The following CELF2 variants were observed in gnomAD, a reference collection of about 807,000 sequenced individuals.
CELF2 encodes the protein CUG triplet repeat RNA-binding protein 2.
Under a neutral mutation model 62.6 loss-of-function variants are expected in CELF2, and 8 were observed. The ratio of observed to expected loss-of-function variants is 0.13; its 90% CI spans 0.07 to 0.23. The LOEUF is 0.23. CELF2 is among the 10% of genes least tolerant of loss of function. The probability of loss-of-function intolerance (pLI) is 1.00; values close to 1 mark genes in which losing one functional copy is unlikely to be tolerated. For missense variants in CELF2, 333 were observed against 671.0 expected, an observed-to-expected ratio of 0.50 and a Z score of 5.56; for synonymous variants, 258 against 250.0, an observed-to-expected ratio of 1.03 and a Z score of -0.30.
intron 1 of CELF2, among the ~76,000 whole-genome samples, chr10:10,879,885 A>G (rs1259647626): frequency 1.3e-5 from 2 of 152,136 alleles, no homozygotes; most frequent in Non-Finnish European, 2.9e-5. Context: ...GTCTAGTCTG[A>G]CAGTAATGGC....
intron 2 of CELF2, among the ~76,000 whole-genome samples, chr10:11,187,094 C>G (rs2075145232): frequency 6.6e-6 from 1 of 152,156 alleles, no homozygotes; most frequent in African/African-American, 2.4e-5. Context: ...AGTATCTTTA[C>G]TGATTTTCTG....
chr10:10,468,501 G>A, the CELF2 span, among the ~76,000 whole-genome samples: 4 of 151,982 alleles, frequency 2.6e-5, no homozygotes, highest in Admixed American at 1.3e-4. Context: ...AAGCACTGCT[G>A]TTGATTGCTG....
intron 2 of CELF2, among the ~76,000 whole-genome samples, chr10:10,977,588 AAC>A (rs1398903422): frequency 2.6e-5 from 4 of 152,254 alleles, no homozygotes; most frequent in African/African-American, 9.6e-5. Context: ...GATATTCTGA[AAC>A]ACAGAAAGAG....
intron 1 of CELF2, among the ~76,000 whole-genome samples, chr10:11,121,398 GT>G: frequency 6.6e-6 from 1 of 152,150 alleles, no homozygotes; most frequent in Non-Finnish European, 1.5e-5. Flanking sequence ...AGCATTTTCT[GT>G]TTTGCAGTAC....
At chr10:10,959,515 T>C (rs910847102) in intron 2 of CELF2, among the ~76,000 whole-genome samples, 9 of 152,200 alleles carry the variant, frequency 5.9e-5, no homozygotes, top group Non-Finnish European at 1.3e-4. Context: ...ATTTTTTCCA[T>C]GCATTTTCCA....
intron 1 of CELF2, among the ~76,000 whole-genome samples, chr10:10,876,405 G>T (rs993919413): frequency 1.3e-5 from 2 of 152,084 alleles, no homozygotes; most frequent in African/African-American, 2.4e-5. Flanking sequence ...CTGTGCCATT[G>T]TCTTCTCAGA....
At chr10:11,055,657 C>T (rs555212123) in intron 1 of CELF2, among the ~76,000 whole-genome samples, 1 of 152,312 alleles carries the variant, frequency 6.6e-6, no homozygotes, top group African/African-American at 2.4e-5. Context: ...ACATTCTTTG[C>T]TAAATGTGGC....
At chr10:10,914,396 T>C (rs1190925717) in intron 1 of CELF2, among the ~76,000 whole-genome samples, 1 of 152,198 alleles carries the variant, frequency 6.6e-6, no homozygotes, top group African/African-American at 2.4e-5. Flanking sequence ...GACGAGGGAA[T>C]GTTATTGCAG....
the CELF2 span, among the ~76,000 whole-genome samples, chr10:10,760,066 G>C: frequency 6.6e-6 from 1 of 152,014 alleles, no homozygotes; most frequent in Non-Finnish European, 1.5e-5. Flanking sequence ...CATCACGCCT[G>C]GCTAATTTTC....
At chr10:10,680,280 C>T in the CELF2 span, among the ~76,000 whole-genome samples, 3 of 152,124 alleles carry the variant, frequency 2.0e-5, no homozygotes, top group South Asian at 2.1e-4. Context: ...TTTAGGGATC[C>T]CCAAGACTAC....
chr10:10,665,560 A>G, the CELF2 span, among the ~76,000 whole-genome samples: 1 of 152,212 alleles, frequency 6.6e-6, no homozygotes, highest in Non-Finnish European at 1.5e-5. Context: ...ACCTACCAGC[A>G]GGTATTAAAA....
chr10:11,115,760 G>T lies in CELF2; in HGVS notation c.75-49726G>T, dbSNP rs143251347. Among the ~76,000 whole-genome samples, 4 of 152,342 alleles carry T rather than the reference G, an allele frequency of 2.6e-5. No homozygotes were observed. The East Asian group carries it at 7.7e-4, about 29-fold the overall frequency. On this transcript the variant is annotated intron_variant, in intron 1 of 12. Transcript: ENST00000633077. ...GAAATGCATGATGAAAACATAGGGA[G>T]ATTCAAGTTACTCATCACCACTGCT...
chr10:10,558,032 C>A, the CELF2 span, among the ~76,000 whole-genome samples: 1 of 145,742 alleles, frequency 6.9e-6, no homozygotes, highest in Non-Finnish European at 1.5e-5. Flanking sequence ...TTATTTCCTT[C>A]TCCTGCCTAA....
At chr10:10,552,047 G>C in the CELF2 span, among the ~76,000 whole-genome samples, 1 of 151,440 alleles carries the variant, frequency 6.6e-6, no homozygotes, top group African/African-American at 2.4e-5. Context: ...ATAATGCACA[G>C]TGTGCTGTGG....
rs2054891839 is a variant in CELF2 at position 11,110,584 on chromosome 10, A to G, written c.75-54902A>G. Among the ~76,000 whole-genome samples, 1 of 152,216 alleles carries G rather than the reference A, an allele frequency of 6.6e-6. No individual in the cohort carries two copies. Among genetic ancestry groups the G allele is most frequent in the Admixed American group, 6.5e-5 (1 of 15,280 alleles). On this transcript the variant is annotated intron_variant, in intron 1 of 12. Coordinates refer to ENST00000633077, the MANE Select transcript of CELF2 (RefSeq NM_001326342.2). This position sits in a 1 kb window ranked among gnomAD's most constrained non-coding sequence, Gnocchi z 4.0. ...AGGTCATGTCCCTAAGCAGAGCATC[A>G]GAGAGGAGAAGAGAGGAGGAGGCCT...
chr10:10,486,380 C>T, the CELF2 span, among the ~76,000 whole-genome samples: 1 of 152,182 alleles, frequency 6.6e-6, no homozygotes, highest in South Asian at 2.1e-4. Context: ...CTAGAGAGAG[C>T]AACTGCTAAA....
chr10:11,321,931 C>T lies in CELF2; in HGVS notation c.1294+545C>T, dbSNP rs1194973643. Among the ~76,000 whole-genome samples the T allele has an allele frequency of 6.6e-6, 1 of 152,202 alleles. No homozygotes were observed. Among genetic ancestry groups the T allele is most frequent in the Non-Finnish European group, 1.5e-5 (1 of 68,044 alleles). On this transcript the variant is annotated intron_variant, in intron 11 of 12. Transcript: ENST00000633077. This position sits in a 1 kb window ranked among gnomAD's most constrained non-coding sequence, Gnocchi z 6.2. ...CCAGGAAAGTTGATCACCTTTCTTG[C>T]AATCCCCAAATATCCTCTCACTGCT...
At chr10:11,128,803 T>C (rs974955437) in intron 1 of CELF2, among the ~76,000 whole-genome samples, 1 of 152,190 alleles carries the variant, frequency 6.6e-6, no homozygotes, top group Non-Finnish European at 1.5e-5. Context: ...GTTCTAGATA[T>C]ACAATCATGT....
chr10:11,132,108 C>T (rs1160200355), intron 1 of CELF2, among the ~76,000 whole-genome samples: 1 of 152,258 alleles, frequency 6.6e-6, no homozygotes, highest in Non-Finnish European at 1.5e-5. Context: ...AAGTTATCCA[C>T]TGGCATCACC....
Sources: allele counts gnomAD v4.1 joint callset (sites outside exome capture counted in the v4.1 genomes callset), GRCh38; gene constraint gnomAD v4.1.1; non-coding constraint Gnocchi (gnomAD v3.1); transcripts MANE v1.5; gene names NCBI Gene and HGNC (gene_info 2026-07-23, HGNC 2026-07-21).